PLSCR2: variants seen among roughly 807,000 people sequenced by gnomAD.
PLSCR2 encodes phospholipid scramblase 2.
Under a neutral mutation model 25.3 loss-of-function variants are expected in PLSCR2, and 18 were observed. The ratio of observed to expected loss-of-function variants is 0.71; its 90% CI spans 0.49 to 1.06. The LOEUF is 1.06. Among genes scored for constraint, PLSCR2 ranks in the 50% least tolerant of loss-of-function variants. PLSCR2 has a pLI of 0.00. For synonymous variants in PLSCR2, 88 were observed against 87.3 expected, an observed-to-expected ratio of 1.01 and a Z score of -0.04; for missense variants, 243 against 269.5, an observed-to-expected ratio of 0.90 and a Z score of 0.69.
intron 1 of PLSCR2, among the ~76,000 whole-genome samples, chr3:146,473,267 C>T: frequency 6.9e-6 from 1 of 144,116 alleles, no homozygotes; most frequent in Non-Finnish European, 1.5e-5. Context: ...ACTATCTTCA[C>T]TTTTATTGTA....
intron 1 of PLSCR2, among the ~76,000 whole-genome samples, chr3:146,479,440 T>C (rs2043051633): frequency 6.6e-6 from 1 of 152,128 alleles, no homozygotes; most frequent in South Asian, 2.1e-4. Context: ...GGGGTTGGAA[T>C]CCTACTCTCT....
intron 2 of PLSCR2, among the ~76,000 whole-genome samples, chr3:146,409,787 A>C (rs2038785321): frequency 6.6e-6 from 1 of 152,154 alleles, no homozygotes; most frequent in African/African-American, 2.4e-5. Flanking sequence ...TATTTTTTAA[A>C]AGGCAATTTA....
chr3:146,494,507 A>C lies in PLSCR2; in HGVS notation c.-293+1388T>G, dbSNP rs138180068. On this transcript the variant is annotated intron_variant, in intron 1 of 8. Coordinates refer to the PLSCR2 transcript ENST00000336685. The stretch of plus-strand genomic sequence containing the variant: ...TAACTATATTGATTTTTAAACATAC[A>C]TGTCACCAGACAAAATATTTAATTA... 8.8e-4 allele frequency: 134 copies of C among 152,306 alleles called. 1 individual carries two copies. The highest frequency in any genetic ancestry group is 3.0e-3 in the African/African-American group (123 of 41,586). 9.4% of individuals were successfully genotyped at this position (152,306 alleles called of 1,614,324 possible).
intron 3 of PLSCR2, among the ~76,000 whole-genome samples, chr3:146,392,962 T>C (rs551175097): frequency 2.6e-5 from 4 of 151,448 alleles, no homozygotes; most frequent in African/African-American, 9.7e-5. Context: ...TTTTATTACA[T>C]ATTTTAAAGT....
At chr3:146,406,373 G>A (rs752699073) in intron 2 of PLSCR2, among the ~76,000 whole-genome samples, 10 of 152,112 alleles carry the variant, frequency 6.6e-5, no homozygotes, top group South Asian at 2.1e-4. Flanking sequence ...CTGCAAGGTC[G>A]ATACTTCCTG....
At chr3:146,450,316 T>A (rs181214972) in intron 5 of PLSCR2, among the ~76,000 whole-genome samples, 3 of 152,364 alleles carry the variant, frequency 2.0e-5, no homozygotes, top group Non-Finnish European at 2.9e-5. Context: ...GTTGTGACCA[T>A]CTAGATAAAT....
At chr3:146,455,309 C>A (rs756316393) in exon 4 of PLSCR2, 1 of 1,614,016 alleles carries the variant, frequency 6.2e-7, no homozygotes, top group Non-Finnish European at 8.5e-7. Flanking sequence ...GACTTCTCGA[C>A]CCACATTATC....
chr3:146,423,780 G>A lies in PLSCR2; in HGVS notation c.101-27859C>T, dbSNP rs112924170. 4.9e-3 allele frequency among the ~76,000 whole-genome samples: 752 copies of A among 152,106 alleles called. 8 individuals carry two copies. The highest frequency in any genetic ancestry group is 0.016 in the African/African-American group (666 of 41,538). ...AGATGTTACAGTGGAAACATTTGCTGGTTTTAAAGATGGAAGGAGGCCACA... is the reference window on the plus strand; with the variant it reads ...AGATGTTACAGTGGAAACATTTGCTAGTTTTAAAGATGGAAGGAGGCCACA... On this transcript the variant is annotated intron_variant and NMD_transcript_variant, in intron 2 of 3. Transcript: ENST00000463633.
At chr3:146,413,882 T>G (rs1234506023) in intron 2 of PLSCR2, among the ~76,000 whole-genome samples, 1 of 152,206 alleles carries the variant, frequency 6.6e-6, no homozygotes, top group Non-Finnish European at 1.5e-5. Flanking sequence ...GCTTCCACAT[T>G]TTCATGTATC....
chr3:146,461,308 A>C (rs1299070044), upstream of PLSCR2, among the ~76,000 whole-genome samples: 1 of 152,230 alleles, frequency 6.6e-6, no homozygotes, highest in Non-Finnish European at 1.5e-5. Flanking sequence ...AATAAAAAAT[A>C]AGGGTTAGCA....
chr3:146,487,936 A>G (rs1236083412), intron 1 of PLSCR2, among the ~76,000 whole-genome samples: 2 of 152,192 alleles, frequency 1.3e-5, no homozygotes, highest in Non-Finnish European at 2.9e-5. Context: ...TTACAAGGCT[A>G]TAGTAACCAA....
intron 1 of PLSCR2, among the ~76,000 whole-genome samples, chr3:146,473,708 G>A (rs1237490956): frequency 2.6e-5 from 4 of 152,168 alleles, no homozygotes. Flanking sequence ...TAAAATAGTG[G>A]TTTTCAAATT....
Position 146,469,035 on chromosome 3 carries a change from T to C in PLSCR2, c.-292-8751A>G, listed in dbSNP as rs550403924. The C allele has an allele frequency of 1.6e-4, 117 of 743,910 alleles. No homozygotes were observed. In the South Asian group the frequency reaches 6.6e-3, roughly 42 times the overall value. The allele number at this position is 743,910 out of a possible 1,614,324, so 46.1% of individuals were successfully genotyped here. ...AACCGCGCTACATACCGCCACTATC[T>C]TTCCTAAGCTGGTATTGTAGAGGGC... is the stretch of plus-strand genomic sequence containing the variant. On this transcript the variant is annotated intron_variant, in intron 1 of 8. Coordinates refer to the PLSCR2 transcript ENST00000336685.
chr3:146,412,938 C>A (rs535427060), intron 2 of PLSCR2, among the ~76,000 whole-genome samples: 1 of 152,214 alleles, frequency 6.6e-6, no homozygotes, highest in South Asian at 2.1e-4. Context: ...ATGTGAACTA[C>A]TGATTAGAAC....
intron 2 of PLSCR2, among the ~76,000 whole-genome samples, chr3:146,410,426 A>G (rs1489113472): frequency 6.6e-6 from 1 of 152,198 alleles, no homozygotes; most frequent in Non-Finnish European, 1.5e-5. Flanking sequence ...AATCACTTGG[A>G]TGTGGGGTAT....
rs542603714 is a variant in PLSCR2, at chr3:146,434,438, T to A, written c.*35-921A>T. The stretch of plus-strand genomic sequence containing the variant: ...TACAAAATTTCAAGGAAAATGAAAG[T>A]CCAATTGTAGGGAATTGTTTGAAGA... On this transcript the variant is annotated intron_variant, in intron 8 of 8. Transcript: ENST00000336685. 9.2e-5 allele frequency among the ~76,000 whole-genome samples: 14 copies of A among 151,998 alleles called. No individual in the cohort carries two copies. The South Asian group carries it at 2.9e-3, about 31-fold the overall frequency.
exon 9 of PLSCR2, chr3:146,433,452 TAGA>T (rs901316899): frequency 6.6e-6 from 1 of 152,132 alleles, no homozygotes; most frequent in Non-Finnish European, 1.5e-5. Context: ...CCTTGCACAG[TAGA>T]AGAAGGAAGG....
chr3:146,484,510 G>A (rs2043272534), intron 1 of PLSCR2, among the ~76,000 whole-genome samples: 1 of 152,052 alleles, frequency 6.6e-6, no homozygotes, highest in Non-Finnish European at 1.5e-5. Flanking sequence ...AGGTTGAAAT[G>A]AAGGAAATAC....
chr3:146,460,334 A>G (rs2041494468), exon 1 of PLSCR2: 3 of 506,384 alleles, frequency 5.9e-6, no homozygotes, highest in East Asian at 5.5e-5. Context: ...TAAAACTCAG[A>G]TAGAAAATAT....
Sources: gnomAD v4.1 joint callset for allele counts (sites outside exome capture counted in the v4.1 genomes callset) on GRCh38, gnomAD v4.1.1 for gene constraint, MANE v1.5 for transcripts, NCBI Gene and HGNC (gene_info 2026-07-23, HGNC 2026-07-21) for gene names.